The following LINGO2 variants were observed in gnomAD, a reference collection of about 807,000 sequenced individuals.
LINGO2 encodes leucine rich repeat and Ig domain containing 2, also known as leucine-rich repeat and immunoglobulin-like domain-containing nogo receptor-interacting protein 2.
LINGO2 carries 14 observed loss-of-function variants against 30.6 expected under a neutral mutation model. That is an observed-to-expected ratio of 0.46 (90% CI 0.30 to 0.72). The LOEUF (loss-of-function observed/expected upper bound fraction) is 0.72, where lower values mean the gene tolerates loss of function less well. Among genes scored for constraint, LINGO2 ranks in the 30% least tolerant of loss-of-function variants. The probability of loss-of-function intolerance (pLI) is 0.07; values close to 1 mark genes in which losing one functional copy is unlikely to be tolerated. For synonymous variants in LINGO2, 317 were observed against 288.5 expected, an observed-to-expected ratio of 1.10 and a Z score of -1.00; for missense variants, 729 against 751.7, an observed-to-expected ratio of 0.97 and a Z score of 0.35.
intron 1 of LINGO2, among the ~76,000 whole-genome samples, chr9:28,565,738 T>A (rs1823346654): frequency 6.6e-6 from 1 of 151,366 alleles, no homozygotes; most frequent in African/African-American, 2.4e-5. Context: ...TATTTTTTAG[T>A]AGAGACGGGG....
intron 4 of LINGO2, among the ~76,000 whole-genome samples, chr9:28,053,961 G>A (rs773660919): frequency 2.6e-5 from 4 of 151,966 alleles, no homozygotes; most frequent in African/African-American, 7.3e-5. Flanking sequence ...GGAAGGCCAA[G>A]TATTATATAG....
the LINGO2 span, among the ~76,000 whole-genome samples, chr9:29,014,044 A>G: frequency 3.3e-5 from 5 of 152,134 alleles, no homozygotes; most frequent in African/African-American, 1.2e-4. Flanking sequence ...CCTTAATCCC[A>G]TGTAAATACA....
chr9:28,268,465 C>A lies in LINGO2; in HGVS notation c.-87+26743G>T, dbSNP rs186298907. Among the ~76,000 whole-genome samples the A allele has an allele frequency of 1.0e-3, 153 of 152,074 alleles. 1 individual carries two copies. Among genetic ancestry groups the A allele is most frequent in the Non-Finnish European group, 2.0e-3 (135 of 67,932 alleles). ...CACCATCCAGGTTTTCAGGTAATTG[C>A]ATTTATTGATTCAGGTGGTCTCATA... On this transcript the variant is annotated intron_variant, in intron 4 of 5. Transcript: ENST00000379992.
At chr9:29,088,760 G>GA in the LINGO2 span, among the ~76,000 whole-genome samples, 4 of 152,026 alleles carry the variant, frequency 2.6e-5, no homozygotes, top group Non-Finnish European at 4.4e-5. Flanking sequence ...GCATTTATCT[G>GA]AAAAAATTAT....
the LINGO2 span, among the ~76,000 whole-genome samples, chr9:28,846,164 T>C: frequency 3.3e-5 from 5 of 151,838 alleles, no homozygotes; most frequent in East Asian, 9.7e-4. Context: ...TGAATGTATA[T>C]AGGCAATGAG....
At chr9:28,220,195 G>A (rs4472614) in intron 4 of LINGO2, among the ~76,000 whole-genome samples, 23,753 of 151,984 alleles carry the variant, frequency 0.16, 1,994 homozygotes, top group South Asian at 0.28. Context: ...TGGGATTTTC[G>A]TATCTCTGGG....
the LINGO2 span, among the ~76,000 whole-genome samples, chr9:28,979,937 A>T: frequency 6.6e-6 from 1 of 152,130 alleles, no homozygotes; most frequent in Admixed American, 6.6e-5. Context: ...AGCCATATTC[A>T]TTTCTAAATG....
At chr9:28,751,844 G>A in the LINGO2 span, among the ~76,000 whole-genome samples, 1 of 151,834 alleles carries the variant, frequency 6.6e-6, no homozygotes, top group African/African-American at 2.4e-5. Flanking sequence ...CACAATTTGG[G>A]GACTGGGGAA....
At chr9:28,686,286 T>G in the LINGO2 span, among the ~76,000 whole-genome samples, 1 of 152,190 alleles carries the variant, frequency 6.6e-6, no homozygotes, top group East Asian at 1.9e-4. Flanking sequence ...AAGGGCAATA[T>G]TCATATTTCA....
At chr9:28,776,972 G>C in the LINGO2 span, among the ~76,000 whole-genome samples, 2 of 151,956 alleles carry the variant, frequency 1.3e-5, no homozygotes, top group Non-Finnish European at 2.9e-5. Flanking sequence ...CCCCCTTGCT[G>C]TTCTCATGAT....
downstream of LINGO2, among the ~76,000 whole-genome samples, chr9:27,947,483 T>A (rs67275924): frequency 0.25 from 38,239 of 152,090 alleles, 5,832 homozygotes; most frequent in Middle Eastern, 0.44. Context: ...ATCCACCTTG[T>A]TTTTTCTCAG....
At chr9:28,364,572 T>C (rs1208059416) in intron 3 of LINGO2, among the ~76,000 whole-genome samples, 3 of 152,226 alleles carry the variant, frequency 2.0e-5, no homozygotes, top group Admixed American at 2.0e-4. Flanking sequence ...GCAAACATCA[T>C]CACACTGACT....
the LINGO2 span, among the ~76,000 whole-genome samples, chr9:29,183,259 G>C: frequency 1.3e-5 from 2 of 152,248 alleles, no homozygotes; most frequent in East Asian, 1.9e-4. Context: ...TTTACCCAAA[G>C]AAATATCCTT....
chr9:29,133,728 C>T, the LINGO2 span, among the ~76,000 whole-genome samples: 2 of 152,256 alleles, frequency 1.3e-5, no homozygotes, highest in South Asian at 4.1e-4. Flanking sequence ...TGCTAAAGAA[C>T]ACGCTAAGAA....
At chr9:28,277,422 T>G (rs186003506) in intron 4 of LINGO2, among the ~76,000 whole-genome samples, 1 of 152,288 alleles carries the variant, frequency 6.6e-6, no homozygotes, top group African/African-American at 2.4e-5. Context: ...GACACAATCA[T>G]ATTGAAATTA....
chr9:28,464,341 A>G (rs947988846), intron 2 of LINGO2, among the ~76,000 whole-genome samples: 14 of 152,346 alleles, frequency 9.2e-5, no homozygotes, highest in South Asian at 8.3e-4. Flanking sequence ...AAGAATAAAC[A>G]TAAATTAATA....
At chr9:28,433,883 C>A (rs1210055855) in intron 2 of LINGO2, among the ~76,000 whole-genome samples, 13 of 149,976 alleles carry the variant, frequency 8.7e-5, no homozygotes, top group African/African-American at 2.7e-4. Flanking sequence ...ACCCAAGTGC[C>A]CATCAACCAA....
the LINGO2 span, among the ~76,000 whole-genome samples, chr9:28,830,304 A>G: frequency 6.6e-6 from 1 of 152,164 alleles, no homozygotes; most frequent in African/African-American, 2.4e-5. Context: ...ATGGAACTAC[A>G]GCCCTGGATG....
intron 1 of LINGO2, among the ~76,000 whole-genome samples, chr9:28,478,772 A>C (rs532010803): frequency 6.6e-6 from 1 of 152,192 alleles, no homozygotes; most frequent in East Asian, 1.9e-4. Context: ...TTTGTCAATA[A>C]TTCTGAATAA....
Sources: allele counts gnomAD v4.1 joint callset (sites outside exome capture counted in the v4.1 genomes callset), GRCh38; gene constraint gnomAD v4.1.1; transcripts MANE v1.5; gene names NCBI Gene and HGNC (gene_info 2026-07-23, HGNC 2026-07-21).